Variants in AIG1 observed in about 807,000 individuals in gnomAD.
AIG1 encodes androgen induced 1.
Under a neutral mutation model 31.4 loss-of-function variants are expected in AIG1, and 23 were observed. The observed-to-expected ratio is 0.73, with a 90% CI of 0.53 to 1.04. The LOEUF (loss-of-function observed/expected upper bound fraction) is 1.04. AIG1 is among the 50% of genes least tolerant of loss of function. The pLI is 0.00. For missense variants in AIG1, 274 were observed against 295.0 expected (o/e 0.93, Z 0.52); for synonymous variants, 100 against 110.5 (o/e 0.90, Z 0.60).
chr6:143,277,343 T>A (rs189552864), intron 3 of AIG1, among the ~76,000 whole-genome samples: 1 of 152,088 alleles, frequency 6.6e-6, no homozygotes, highest in African/African-American at 2.4e-5. Flanking sequence ...TATAAACTTA[T>A]TGGACCTCCT....
At chr6:143,059,416 T>C (rs573687096), upstream of AIG1, among the ~76,000 whole-genome samples, 80 of 152,262 alleles carry the variant, frequency 5.3e-4, 1 homozygote, top group African/African-American at 1.7e-3. Context: ...TTAAGGTAGG[T>C]AGATCTTCAA....
chr6:143,220,052 C>T (rs1288158961), intron 3 of AIG1, among the ~76,000 whole-genome samples: 2 of 152,280 alleles, frequency 1.3e-5, no homozygotes, highest in East Asian at 1.9e-4. Flanking sequence ...TCTTGAGCTG[C>T]TCATGCCAAC....
chr6:143,185,615 C>G (rs1377074235), intron 3 of AIG1, among the ~76,000 whole-genome samples: 1 of 152,192 alleles, frequency 6.6e-6, no homozygotes, highest in East Asian at 1.9e-4. Context: ...GCAGGTACCT[C>G]TCCTGTAGCA....
chr6:143,130,219 G>T (rs111954848), intron 1 of AIG1, among the ~76,000 whole-genome samples: 1 of 151,744 alleles, frequency 6.6e-6, no homozygotes, highest in East Asian at 1.9e-4. Flanking sequence ...GTGAGCCACC[G>T]CGCCCTGCTG....
At chr6:143,230,130 A>G (rs1052037779) in intron 3 of AIG1, among the ~76,000 whole-genome samples, 3 of 152,154 alleles carry the variant, frequency 2.0e-5, no homozygotes, top group African/African-American at 4.8e-5. Flanking sequence ...CTAACCTGTG[A>G]AAGTTTAAGA....
At chr6:143,189,143 A>C in intron 3 of AIG1, 3 of 561,334 alleles carry the variant, frequency 5.3e-6, no homozygotes, top group Non-Finnish European at 6.8e-6. Context: ...TGCAGGGCTC[A>C]AGCAATCCTC....
chr6:143,089,703 G>T (rs532155946), intron 1 of AIG1, among the ~76,000 whole-genome samples: 2 of 152,296 alleles, frequency 1.3e-5, no homozygotes, highest in South Asian at 4.1e-4. Flanking sequence ...AGTATGAAGA[G>T]ATCACGTGGC....
chr6:143,285,552 A>G (rs1797628406), intron 4 of AIG1, among the ~76,000 whole-genome samples: 3 of 151,522 alleles, frequency 2.0e-5, no homozygotes, highest in African/African-American at 7.3e-5. Flanking sequence ...AATCCCACCT[A>G]CTCGGGAGGC....
chr6:143,178,346 C>A (rs2128581917), intron 3 of AIG1, among the ~76,000 whole-genome samples: 1 of 152,302 alleles, frequency 6.6e-6, no homozygotes, highest in South Asian at 2.1e-4. Flanking sequence ...CTGCTCTCAA[C>A]ATGATGATGT....
intron 3 of AIG1, among the ~76,000 whole-genome samples, chr6:143,206,528 A>C (rs73781116): frequency 2.6e-4 from 39 of 152,276 alleles, no homozygotes; most frequent in African/African-American, 8.9e-4. Flanking sequence ...AGTATTTTCA[A>C]ATATCCATTT....
intron 1 of AIG1, among the ~76,000 whole-genome samples, chr6:143,091,122 C>T (rs910951912): frequency 1.3e-5 from 2 of 152,080 alleles, no homozygotes; most frequent in African/African-American, 2.4e-5. Context: ...TGTGTCATGA[C>T]GTTGCAGCAA....
chr6:143,229,147 C>G (rs1203500035), intron 3 of AIG1, among the ~76,000 whole-genome samples: 1 of 152,226 alleles, frequency 6.6e-6, no homozygotes, highest in Admixed American at 6.5e-5. Context: ...AGTGTGAAGA[C>G]AGCAGCTCTG....
intron 1 of AIG1, 57 bp downstream of exon 1, chr6:143,061,123 T>C (rs1439965454): frequency 2.0e-4 from 259 of 1,324,804 alleles, no homozygotes; most frequent in Non-Finnish European, 2.3e-4. Flanking sequence ...TGTGCGTGTG[T>C]GTGTGTGTGT....
At chr6:143,322,958 T>A (rs1475951276) in intron 4 of AIG1, among the ~76,000 whole-genome samples, 4 of 152,218 alleles carry the variant, frequency 2.6e-5, no homozygotes, top group Non-Finnish European at 5.9e-5. Flanking sequence ...GTTTGCTTTT[T>A]TTTAATCTAA....
rs747031496 is a variant in AIG1 at position 143,294,137 on chromosome 6, C to T, written c.515+9912C>T. On this transcript the variant is annotated intron_variant, in intron 4 of 5. Coordinates refer to ENST00000357847, the MANE Select transcript of AIG1 (RefSeq NM_016108.4). ...TCCTTCTGGACTCTGGCCTCATACC[C>T]TTCTACCTCTCCTGGGACCCCATTC... 3.3e-4 allele frequency among the ~76,000 whole-genome samples: 50 copies of T among 152,294 alleles called. No individual in the cohort carries two copies. In the Middle Eastern group the frequency reaches 0.01, roughly 31 times the overall value.
intron 1 of AIG1, among the ~76,000 whole-genome samples, chr6:143,113,517 C>T (rs1583216192): frequency 6.7e-6 from 1 of 150,188 alleles, no homozygotes; most frequent in Non-Finnish European, 1.5e-5. Flanking sequence ...GCAGGTGAAT[C>T]GCTTGAACTC....
chr6:143,285,424 C>T (rs770497677), intron 4 of AIG1, among the ~76,000 whole-genome samples: 5 of 150,974 alleles, frequency 3.3e-5, no homozygotes, highest in African/African-American at 7.3e-5. Flanking sequence ...CACTTTGGGA[C>T]GCCCAGGCAG....
At chr6:143,137,056 G>GA (rs900458348) in intron 2 of AIG1, 66 bp downstream of exon 2, 807 of 1,280,394 alleles carry the variant, frequency 6.3e-4, no homozygotes, top group South Asian at 1.0e-3. Context: ...ACTTCTAAGA[G>GA]AAAAAAAAAG....
chr6:143,083,062 A>C (rs1778418730), intron 1 of AIG1, among the ~76,000 whole-genome samples: 1 of 152,216 alleles, frequency 6.6e-6, no homozygotes, highest in Non-Finnish European at 1.5e-5. Flanking sequence ...TTTTGGGATG[A>C]GGATAAGCCG....
Sources: allele counts gnomAD v4.1 joint callset (sites outside exome capture counted in the v4.1 genomes callset), GRCh38; gene constraint gnomAD v4.1.1; transcripts MANE v1.5; gene names NCBI Gene and HGNC (gene_info 2026-07-23, HGNC 2026-07-21).